PVT1: variants seen among roughly 807,000 people sequenced by gnomAD.
PVT1 encodes CXCR4/PVT1 fusion.
chr8:127,799,655 A>G (rs1340252121), intron 2 of PVT1, among the ~76,000 whole-genome samples: 1 of 152,144 alleles, frequency 6.6e-6, no homozygotes, highest in Non-Finnish European at 1.5e-5. Context: ...TCTAAGCTTC[A>G]GTTTCCTCAT....
intron 2 of PVT1, among the ~76,000 whole-genome samples, chr8:127,821,607 G>A (rs1017557505): frequency 3.3e-5 from 5 of 151,878 alleles, no homozygotes; most frequent in Non-Finnish European, 7.4e-5. Flanking sequence ...TCAGAAGATC[G>A]AGACCATCCT....
intron 2 of PVT1, among the ~76,000 whole-genome samples, chr8:127,872,764 C>T (rs1272532865): frequency 6.6e-6 from 1 of 152,184 alleles, no homozygotes; most frequent in Non-Finnish European, 1.5e-5. Context: ...TTTCAGGTCT[C>T]ACATGGGGGA....
rs375990538 is a variant in PVT1 at position 128,015,771 on chromosome 8, C to CA, written n.912+26499dup. 8.3e-3 allele frequency among the ~76,000 whole-genome samples: 793 copies of CA among 95,868 alleles called. 27 individuals carry two copies. In the East Asian group the frequency reaches 0.099, roughly 12 times the overall value. The allele number at this position is 95,868 out of a possible 152,430, so 62.9% of individuals were successfully genotyped here. On this transcript the variant is annotated intron_variant and non_coding_transcript_variant, in intron 4 of 10. Transcript: ENST00000651587. The stretch of plus-strand genomic sequence containing the variant: ...CTGGTGACTGAGCAAGACTTTGTCT[C>CA]AAAAAAAAAAAAAAAAAAAGGTTTG...
chr8:128,075,145 A>T (rs1387294567), intron 5 of PVT1, among the ~76,000 whole-genome samples: 2 of 151,738 alleles, frequency 1.3e-5, no homozygotes, highest in East Asian at 3.8e-4. Context: ...TTTTTTTTTC[A>T]AGATGGCAGG....
At chr8:128,005,811 A>G (rs930012) in intron 4 of PVT1, among the ~76,000 whole-genome samples, 100,190 of 151,418 alleles carry the variant, frequency 0.66, 33,742 homozygotes, top group African/African-American at 0.78. Flanking sequence ...CAGCTCTAAA[A>G]GACGTTTCAA....
At chr8:127,834,675 A>T (rs1814889577) in intron 2 of PVT1, among the ~76,000 whole-genome samples, 1 of 152,216 alleles carries the variant, frequency 6.6e-6, no homozygotes, top group African/African-American at 2.4e-5. Context: ...TATCCATCTG[A>T]CCAATGGCTA....
At chr8:128,096,807 A>G (rs969950375) in intron 6 of PVT1, among the ~76,000 whole-genome samples, 3 of 152,210 alleles carry the variant, frequency 2.0e-5, no homozygotes. Context: ...CACACAGTCC[A>G]TTGTCATTGT....
intron 4 of PVT1, among the ~76,000 whole-genome samples, chr8:128,025,697 G>C (rs1043955616): frequency 6.6e-6 from 1 of 152,200 alleles, no homozygotes; most frequent in African/African-American, 2.4e-5. Flanking sequence ...TCTTACAAGA[G>C]GATCTGCCTT....
At chr8:128,006,328 A>T (rs1292188493) in intron 4 of PVT1, among the ~76,000 whole-genome samples, 3 of 152,242 alleles carry the variant, frequency 2.0e-5, no homozygotes, top group Admixed American at 6.5e-5. Context: ...GCTGGTCAAC[A>T]GTACAATGCT....
chr8:128,008,295 A>G (rs559113539), intron 4 of PVT1, among the ~76,000 whole-genome samples: 1 of 152,304 alleles, frequency 6.6e-6, no homozygotes, highest in East Asian at 1.9e-4. Context: ...TCCTTAATTT[A>G]AGAAGGGAGA....
At chr8:128,084,502 C>A (rs896952059) in intron 5 of PVT1, among the ~76,000 whole-genome samples, 4 of 152,112 alleles carry the variant, frequency 2.6e-5, no homozygotes, top group Non-Finnish European at 5.9e-5. Context: ...TGATGACTTG[C>A]AGATGTTATT....
intron 2 of PVT1, among the ~76,000 whole-genome samples, chr8:127,842,302 T>C (rs1814983266): frequency 6.6e-6 from 1 of 151,626 alleles, no homozygotes; most frequent in South Asian, 2.1e-4. Flanking sequence ...TCACCCAGGC[T>C]GGAGTGCAGA....
At chr8:127,810,773 T>C (rs896955491) in intron 2 of PVT1, among the ~76,000 whole-genome samples, 1 of 152,118 alleles carries the variant, frequency 6.6e-6, no homozygotes, top group Admixed American at 6.6e-5. Context: ...CAGGATTTTG[T>C]CTCTTTCCCC....
rs532747582 is a variant in PVT1, at chr8:128,035,483, CCTT to C, written n.913-34674_913-34672del. ...GCTTGTGTTCCTACCCTTCATCCCT[CCTT>C]CTGCGTTTATTGAGCCTTGCTAGGT... On this transcript the variant is annotated intron_variant and non_coding_transcript_variant, in intron 4 of 10. Transcript: ENST00000651587. Among the ~76,000 whole-genome samples the C allele has an allele frequency of 1.0e-3, 157 of 152,294 alleles. 1 individual carries two copies. Among genetic ancestry groups the C allele is most frequent in the African/African-American group, 3.6e-3 (150 of 41,560 alleles).
chr8:127,861,211 C>G (rs544041943), intron 2 of PVT1, among the ~76,000 whole-genome samples: 1 of 152,326 alleles, frequency 6.6e-6, no homozygotes, highest in Admixed American at 6.5e-5. Context: ...TTCCAACTAA[C>G]TATCCTTTTT....
At chr8:127,815,545 TC>T (rs1385761067) in intron 2 of PVT1, among the ~76,000 whole-genome samples, 2 of 152,172 alleles carry the variant, frequency 1.3e-5, no homozygotes, top group Non-Finnish European at 2.9e-5. Flanking sequence ...GTCAGTGCTT[TC>T]GGCAGCTTGA....
chr8:127,971,640 C>T (rs888935651), intron 3 of PVT1, among the ~76,000 whole-genome samples: 6 of 152,322 alleles, frequency 3.9e-5, no homozygotes, highest in South Asian at 4.1e-4. Flanking sequence ...TGCCAGGCCA[C>T]GAGTTCCAGT....
intron 3 of PVT1, among the ~76,000 whole-genome samples, chr8:127,927,261 G>T (rs2129878372): frequency 6.6e-6 from 1 of 152,302 alleles, no homozygotes; most frequent in South Asian, 2.1e-4. Flanking sequence ...GCATCGAGGG[G>T]ACACCCTCTC....
intron 4 of PVT1, among the ~76,000 whole-genome samples, chr8:128,011,604 G>A (rs925360099): frequency 7.9e-5 from 12 of 152,132 alleles, no homozygotes; most frequent in African/African-American, 2.9e-4. Flanking sequence ...TATTATTTAA[G>A]CCACCCAGTC....
Sources: allele counts gnomAD v4.1 joint callset (sites outside exome capture counted in the v4.1 genomes callset), GRCh38; gene constraint gnomAD v4.1.1; transcripts MANE v1.5; gene names NCBI Gene and HGNC (gene_info 2026-07-23, HGNC 2026-07-21).